GARRE1: variants seen among roughly 807,000 people sequenced by gnomAD.
GARRE1 encodes granule associated Rac and RHOG effector protein 1.
Under a neutral mutation model 103.2 loss-of-function variants are expected in GARRE1, and 49 were observed. The ratio of observed to expected loss-of-function variants is 0.47; its 90% CI spans 0.38 to 0.60. The LOEUF is 0.60. Ranked by LOEUF, GARRE1 falls within the 20% of genes least tolerant of loss-of-function variation. The pLI, the probability that GARRE1 is intolerant of heterozygous loss-of-function variation, is 0.00. For synonymous variants in GARRE1, 505 were observed against 532.8 expected, an observed-to-expected ratio of 0.95 and a Z score of 0.72; for missense variants, 1,199 against 1,370.5, an observed-to-expected ratio of 0.87 and a Z score of 1.98.
intron 3 of GARRE1, among the ~76,000 whole-genome samples, chr19:34,326,314 C>G (rs959734707): frequency 6.6e-6 from 1 of 152,164 alleles, no homozygotes; most frequent in African/African-American, 2.4e-5. Context: ...ACTGGCCCAG[C>G]AGAACAAAAG....
chr19:34,353,421 CT>C lies in GARRE1; in HGVS notation c.*475del, dbSNP rs142786984. On this transcript the variant is annotated 3_prime_UTR_variant, in exon 14 of 14. Transcript: ENST00000299505. ...CCACACCAATCACTGTATTTTATAG[CT>C]TTTTTTTTCATGTAGGTTTTTAGTT... is the stretch of plus-strand genomic sequence containing the variant. 1.7e-3 allele frequency: 287 copies of C among 166,428 alleles called. No individual in the cohort carries two copies. Among genetic ancestry groups the C allele is most frequent in the East Asian group, 6.6e-3 (39 of 5,872 alleles). The allele number at this position is 166,428 out of a possible 1,614,324, so 10.3% of individuals were successfully genotyped here.
intron 2 of GARRE1, 66 bp downstream of exon 2, chr19:34,301,034 C>T: frequency 6.7e-7 from 1 of 1,491,184 alleles, no homozygotes; most frequent in Non-Finnish European, 9.0e-7. Flanking sequence ...AGAATATTGT[C>T]TTAAGTTTTT....
intron 2 of GARRE1, among the ~76,000 whole-genome samples, chr19:34,318,061 G>A (rs778105384): frequency 6.6e-6 from 1 of 152,212 alleles, no homozygotes; most frequent in Non-Finnish European, 1.5e-5. Flanking sequence ...TGGAGGGCAA[G>A]TGCTTTGGTG....
chr19:34,340,630 A>C (rs151164216), intron 9 of GARRE1, among the ~76,000 whole-genome samples: 2 of 152,096 alleles, frequency 1.3e-5, no homozygotes, highest in African/African-American at 4.8e-5. Context: ...TCCTGGGCTC[A>C]AGTCATCCTC....
At chr19:34,341,360 G>A in intron 9 of GARRE1, 62 bp from the exon 10 acceptor site, 1 of 1,375,146 alleles carries the variant, frequency 7.3e-7, no homozygotes, top group Non-Finnish European at 1.0e-6. Context: ...ATACAAAGAG[G>A]TCCATTTTAT....
intron 7 of GARRE1, 27 bp from the exon 8 acceptor site, chr19:34,333,677 G>GTTTTTTTTTTTTTTTTT: frequency 3.4e-5 from 23 of 673,610 alleles, no homozygotes; most frequent in South Asian, 5.6e-5. Context: ...GTTGTTATTT[G>GTTTTTTTTTTTTTTTTT]TTTTTTTTTT....
chr19:34,298,861 T>C (rs986689399), intron 1 of GARRE1, among the ~76,000 whole-genome samples: 2 of 152,182 alleles, frequency 1.3e-5, no homozygotes, highest in Non-Finnish European at 2.9e-5. Flanking sequence ...CTGTTGTAGG[T>C]ATCAGAAACT....
chr19:34,283,019 T>G (rs955421869), intron 1 of GARRE1, among the ~76,000 whole-genome samples: 1 of 152,238 alleles, frequency 6.6e-6, no homozygotes, highest in Non-Finnish European at 1.5e-5. Context: ...AATGTCTTTA[T>G]TGTTATGTCA....
chr19:34,342,752 C>T (rs2074193026), intron 10 of GARRE1, among the ~76,000 whole-genome samples: 1 of 152,130 alleles, frequency 6.6e-6, no homozygotes, highest in African/African-American at 2.4e-5. Flanking sequence ...AGGCTCCAGT[C>T]TAGGCCTGCC....
At chr19:34,268,302 C>G (rs2073765065) in intron 1 of GARRE1, among the ~76,000 whole-genome samples, 4 of 152,106 alleles carry the variant, frequency 2.6e-5, no homozygotes, top group Admixed American at 2.6e-4. Flanking sequence ...CTTTGTTCAT[C>G]CTTTGGTGAT....
At chr19:34,276,281 G>A (rs1599751209) in intron 1 of GARRE1, among the ~76,000 whole-genome samples, 1 of 152,142 alleles carries the variant, frequency 6.6e-6, no homozygotes, top group South Asian at 2.1e-4. Flanking sequence ...GACCTCAGGT[G>A]ATCTGCCTGC....
chr19:34,341,429 G>A lies in GARRE1; in HGVS notation c.1495G>A (p.Ala499Thr). 1 of 1,611,162 alleles carries A rather than the reference G, an allele frequency of 6.2e-7. No homozygotes were observed. Among genetic ancestry groups the A allele is most frequent in the Non-Finnish European group, 8.5e-7 (1 of 1,179,126 alleles). ...LNRWRAGREQ[A>T]LPCIQIQLQR... ...AAATTTCTGTTTAAATAGGGAGCAAGCTTTACCCTGCATACAGATCCAGCT... is the reference window on the plus strand; with the variant it reads ...AAATTTCTGTTTAAATAGGGAGCAAACTTTACCCTGCATACAGATCCAGCT... The change falls in exon 10 of 14, where the codon GCT becomes ACT. Residue 499 changes from alanine (A) to threonine (T), a missense_variant. Physicochemically the swap from Ala to Thr is moderately conservative, Grantham distance 58. Coordinates refer to ENST00000299505, the MANE Select transcript of GARRE1 (RefSeq NM_014686.5).
At position 34,309,765 on chromosome 19, in the gene GARRE1, T is replaced by G. The variant is rs561373546; in HGVS notation, c.495+8797T>G. On this transcript the variant is annotated intron_variant, in intron 2 of 13. Coordinates refer to ENST00000299505, the MANE Select transcript of GARRE1 (RefSeq NM_014686.5). Reference sequence around the variant, plus strand: ...TCAGGAATGTATTAAAGACGTAATATATCAGAGTACCCAATAAATAACTCC... The same window carrying G: ...TCAGGAATGTATTAAAGACGTAATAGATCAGAGTACCCAATAAATAACTCC... 2.6e-5 allele frequency among the ~76,000 whole-genome samples: 4 copies of G among 152,348 alleles called. No individual in the cohort carries two copies. In the East Asian group the frequency reaches 7.7e-4, roughly 29 times the overall value.
chr19:34,307,689 TTATATATACATATA>T (rs1568538065), intron 2 of GARRE1, among the ~76,000 whole-genome samples: 2 of 51,822 alleles, frequency 3.9e-5, no homozygotes, highest in Non-Finnish European at 1.6e-4. Context: ...ACATATATAC[TTATATATACATATA>T]TACTTATATA....
At chr19:34,340,294 A>G (rs976939316) in intron 9 of GARRE1, among the ~76,000 whole-genome samples, 2 of 152,312 alleles carry the variant, frequency 1.3e-5, no homozygotes, top group East Asian at 3.9e-4. Context: ...TCTCCTTATG[A>G]ATTAAGAACA....
At chr19:34,333,667 G>A in intron 7 of GARRE1, 37 bp from the exon 8 acceptor site, 1 of 1,066,450 alleles carries the variant, frequency 9.4e-7, no homozygotes, top group South Asian at 1.4e-5. Flanking sequence ...CTGAAAGCTG[G>A]TTGTTATTTG....
chr19:34,291,447 A>G (rs1266877438), intron 1 of GARRE1, among the ~76,000 whole-genome samples: 1 of 152,340 alleles, frequency 6.6e-6, no homozygotes, highest in Middle Eastern at 3.4e-3. Context: ...TTATTGAGAT[A>G]TAATTCACAT....
At chr19:34,305,627 T>G (rs760673516) in intron 2 of GARRE1, among the ~76,000 whole-genome samples, 2 of 152,214 alleles carry the variant, frequency 1.3e-5, no homozygotes, top group Non-Finnish European at 2.9e-5. Flanking sequence ...CAAGTGCGCC[T>G]GTTGCCCAGG....
intron 1 of GARRE1, among the ~76,000 whole-genome samples, chr19:34,273,476 G>A (rs182375586): frequency 1.0e-3 from 157 of 152,260 alleles, no homozygotes; most frequent in Middle Eastern, 0.01. Context: ...GTGACTTCAT[G>A]AATGTTGTAA....
Sources: allele counts gnomAD v4.1 joint callset (sites outside exome capture counted in the v4.1 genomes callset), GRCh38; gene constraint gnomAD v4.1.1; transcripts MANE v1.5; gene names NCBI Gene and HGNC (gene_info 2026-07-23, HGNC 2026-07-21).